Variants in DOCK9 observed in about 807,000 individuals in gnomAD.
The protein encoded by DOCK9 is dedicator of cytokinesis 9, also known as dedicator of cytokinesis protein 9.
Under a neutral mutation model 263.3 loss-of-function variants are expected in DOCK9, and 89 were observed. That is an observed-to-expected ratio of 0.34 (90% CI 0.28 to 0.40). DOCK9 has a LOEUF of 0.40. Among genes scored for constraint, DOCK9 ranks in the 10% least tolerant of loss-of-function variants. DOCK9 has a pLI of 1.00. For synonymous variants in DOCK9, 976 were observed against 973.1 expected (o/e 1.00, Z -0.06); for missense variants, 2,140 against 2,603.4 (o/e 0.82, Z 3.87).
intron 43 of DOCK9, among the ~76,000 whole-genome samples, chr13:98,828,998 A>C (rs1350944003): frequency 6.6e-6 from 1 of 152,210 alleles, no homozygotes; most frequent in African/African-American, 2.4e-5. Flanking sequence ...TTGATCATAA[A>C]ATAGCTGAAT....
chr13:99,053,248 T>C (rs2040782512), intron 1 of DOCK9, among the ~76,000 whole-genome samples: 1 of 152,216 alleles, frequency 6.6e-6, no homozygotes, highest in Admixed American at 6.5e-5. Flanking sequence ...AAGAGCTTTG[T>C]TAAATGACAA....
chr13:98,827,419 A>T (rs192577157), intron 43 of DOCK9, among the ~76,000 whole-genome samples: 2 of 152,256 alleles, frequency 1.3e-5, no homozygotes, highest in Admixed American at 1.3e-4. Context: ...TGAAAGAAAA[A>T]AGAAATTTTT....
intron 45 of DOCK9, among the ~76,000 whole-genome samples, chr13:98,816,478 G>A (rs1037245124): frequency 1.3e-5 from 2 of 152,116 alleles, no homozygotes; most frequent in Non-Finnish European, 2.9e-5. Context: ...CTGGGCGGTA[G>A]TGAGGTCAGG....
At chr13:98,811,204 G>A (rs1324604693) in intron 45 of DOCK9, among the ~76,000 whole-genome samples, 1 of 152,178 alleles carries the variant, frequency 6.6e-6, no homozygotes, top group Non-Finnish European at 1.5e-5. Context: ...TAATGTTTAA[G>A]CCCATTTTAG....
At chr13:99,081,890 T>C (rs1180433215) in intron 1 of DOCK9, among the ~76,000 whole-genome samples, 2 of 152,206 alleles carry the variant, frequency 1.3e-5, no homozygotes, top group African/African-American at 2.4e-5. Flanking sequence ...ACATTATAAA[T>C]TACTTTTCCT....
intron 9 of DOCK9, among the ~76,000 whole-genome samples, chr13:98,911,568 T>G (rs1368301367): frequency 6.6e-6 from 1 of 152,156 alleles, no homozygotes; most frequent in East Asian, 1.9e-4. Flanking sequence ...ATGACATTAT[T>G]TTATGTAAAA....
chr13:99,078,645 G>A (rs548997283), intron 1 of DOCK9, among the ~76,000 whole-genome samples: 54 of 152,214 alleles, frequency 3.5e-4, no homozygotes, highest in African/African-American at 1.3e-3. Flanking sequence ...GATAGCCTCC[G>A]GCATCTCAGA....
At chr13:99,052,756 A>G (rs1595991785) in intron 1 of DOCK9, among the ~76,000 whole-genome samples, 1 of 146,468 alleles carries the variant, frequency 6.8e-6, no homozygotes, top group African/African-American at 2.5e-5. Context: ...ACATGCCACC[A>G]CACCAGCCTT....
At position 98,931,408 on chromosome 13, in the gene DOCK9, T is replaced by G. The variant is rs546043011; in HGVS notation, c.244-1151A>C. Reference sequence around the variant, plus strand: ...CCGCCTCCCGGGTTCACGCCATTCTTCTGCCTCAGCCTCCCGAGCAGCTGG... The same window carrying G: ...CCGCCTCCCGGGTTCACGCCATTCTGCTGCCTCAGCCTCCCGAGCAGCTGG... On this transcript the variant is annotated intron_variant, in intron 2 of 52. Coordinates refer to ENST00000682017, the MANE Select transcript of DOCK9 (RefSeq NM_001366683.2). 7.3e-5 allele frequency among the ~76,000 whole-genome samples: 11 copies of G among 151,418 alleles called. No homozygotes were observed. In the South Asian group the frequency reaches 2.3e-3, roughly 32 times the overall value.
intron 13 of DOCK9, among the ~76,000 whole-genome samples, chr13:98,899,874 T>C (rs1346241504): frequency 6.6e-6 from 1 of 152,192 alleles, no homozygotes; most frequent in Non-Finnish European, 1.5e-5. Context: ...TGGGCTTTTT[T>C]CCCCTTCTTT....
At chr13:98,940,748 T>G (rs979372580) in intron 2 of DOCK9, among the ~76,000 whole-genome samples, 6 of 152,116 alleles carry the variant, frequency 3.9e-5, no homozygotes, top group African/African-American at 1.4e-4. Flanking sequence ...TCTCTGGTCC[T>G]TCAACAGTGC....
chr13:98,993,074 C>G (rs1880186506), intron 1 of DOCK9, among the ~76,000 whole-genome samples: 1 of 152,230 alleles, frequency 6.6e-6, no homozygotes. Context: ...AGAATGAAGA[C>G]AGCTGCAGTC....
rs778481829 is a variant in DOCK9 at position 98,829,556 on chromosome 13, G to C, written c.4750-34C>G. 2 of 1,592,770 alleles carry C rather than the reference G, an allele frequency of 1.3e-6. No homozygotes were observed. The highest frequency in any genetic ancestry group is 1.7e-6 in the Non-Finnish European group (2 of 1,167,284). ...AGGGTGGAAGAGGAAAGGACACATG[G>C]CTTCCTCTGTTTGCTGCCTGTCCAC... On this transcript the variant is annotated intron_variant, in intron 42 of 52. Transcript: ENST00000682017. The surrounding 1 kb of genome is among the most constrained non-coding windows in gnomAD (Gnocchi z 4.1).
chr13:98,847,675 A>C (rs1394363944), intron 37 of DOCK9: 2 of 152,260 alleles, frequency 1.3e-5, no homozygotes, highest in African/African-American at 2.4e-5. Context: ...TTTCATCACT[A>C]TAAGACAAAA....
Position 98,794,494 on chromosome 13 carries a change from G to T in DOCK9, c.*132C>A. The T allele has an allele frequency of 2.1e-6, 2 of 968,532 alleles. No individual in the cohort carries two copies. The highest frequency in any genetic ancestry group is 3.0e-6 in the Non-Finnish European group (2 of 667,958). 60.0% of individuals were successfully genotyped at this position (968,532 alleles called of 1,614,324 possible). On this transcript the variant is annotated 3_prime_UTR_variant, in exon 53 of 53. Transcript: ENST00000682017. ...AGAAAGTCTGTTAAGAAATAACGTT[G>T]TTCTTTATTTCCTTTCTCTCCCCTT... is the stretch of plus-strand genomic sequence containing the variant.
chr13:98,879,306 T>A (rs1023215719), intron 27 of DOCK9, among the ~76,000 whole-genome samples: 5 of 152,022 alleles, frequency 3.3e-5, no homozygotes, highest in Non-Finnish European at 7.4e-5. Flanking sequence ...GGAACACACA[T>A]CCAGGCTTCA....
intron 7 of DOCK9, among the ~76,000 whole-genome samples, chr13:98,920,192 C>T (rs571870740): frequency 6.6e-6 from 1 of 152,294 alleles, no homozygotes; most frequent in African/African-American, 2.4e-5. Flanking sequence ...AGGACTTTCA[C>T]TTTATCTGTA....
chr13:98,851,444 C>T (rs1425912247), intron 35 of DOCK9, among the ~76,000 whole-genome samples: 4 of 149,678 alleles, frequency 2.7e-5, no homozygotes, highest in Admixed American at 2.6e-4. Flanking sequence ...TGCTGGAGAG[C>T]CTGGTGGGAC....
intron 1 of DOCK9, among the ~76,000 whole-genome samples, chr13:99,021,778 T>A (rs1363631124): frequency 6.6e-6 from 1 of 151,928 alleles, no homozygotes; most frequent in Non-Finnish European, 1.5e-5. Context: ...CATGTTCTCA[T>A]ACATAAGTGG....
Sources: gnomAD v4.1 joint callset for allele counts (sites outside exome capture counted in the v4.1 genomes callset) on GRCh38, gnomAD v4.1.1 for gene constraint, Gnocchi (gnomAD v3.1) non-coding constraint, MANE v1.5 for transcripts, NCBI Gene and HGNC (gene_info 2026-07-23, HGNC 2026-07-21) for gene names.